DIDO1: variants seen among roughly 807,000 people sequenced by gnomAD.
DIDO1 encodes the protein death-inducer obliterator 1.
DIDO1 carries 16 observed loss-of-function variants against 99.4 expected under a neutral mutation model. The ratio of observed to expected loss-of-function variants is 0.16; its 90% confidence interval spans 0.11 to 0.24. The LOEUF (loss-of-function observed/expected upper bound fraction) is 0.24. Among genes scored for constraint, DIDO1 ranks in the 10% least tolerant of loss-of-function variants. DIDO1 has a pLI of 1.00. For synonymous variants in DIDO1, 1,366 were observed against 1,239.1 expected, an observed-to-expected ratio of 1.10 and a Z score of -2.15; for missense variants, 2,996 against 3,014.0, an observed-to-expected ratio of 0.99 and a Z score of 0.14.
Position 62,896,096 on chromosome 20 carries a change from G to A in DIDO1, c.2214+137C>T. On this transcript the variant is annotated intron_variant, in intron 8 of 15. Transcript: ENST00000395343. The surrounding 1 kb of genome is among the most constrained non-coding windows in gnomAD (Gnocchi z 4.4). ...ACGCCAGTGCAACAATACGTGGGCG[G>A]CAGAAGGATCACAGAGGAGAAAGAA... is the stretch of plus-strand genomic sequence containing the variant. The A allele has an allele frequency of 3.1e-6, 3 of 962,108 alleles. No homozygotes were observed. Among genetic ancestry groups the A allele is most frequent in the South Asian group, 3.5e-5 (2 of 57,442 alleles). The allele number at this position is 962,108 out of a possible 1,614,324, so 59.6% of individuals were successfully genotyped here.
At chr20:62,902,106 A>G (rs1179717887) in intron 6 of DIDO1, among the ~76,000 whole-genome samples, 2 of 152,220 alleles carry the variant, frequency 1.3e-5, no homozygotes, top group African/African-American at 4.8e-5. Flanking sequence ...TGGCTGAAGC[A>G]TAAGCACAAA....
rs376302899 is a variant in DIDO1, at chr20:62,894,213, G to C, written c.2573-19C>G. The C allele has an allele frequency of 6.2e-7, 1 of 1,604,606 alleles. No homozygotes were observed. Among genetic ancestry groups the C allele is most frequent in the African/African-American group, 1.3e-5 (1 of 74,594 alleles). ...ACCTGGCCTGAAGAAGGCGAGGAAA[G>C]GCTCTGTGAGAAACCCAGCCGGCAC... On this transcript the variant is annotated intron_variant, in intron 11 of 15. Transcript: ENST00000395343. This position sits in a 1 kb window ranked among gnomAD's most constrained non-coding sequence, Gnocchi z 4.4.
chr20:62,897,904 G>A (rs564103424), intron 6 of DIDO1, among the ~76,000 whole-genome samples: 13 of 152,280 alleles, frequency 8.5e-5, no homozygotes, highest in African/African-American at 2.6e-4. Context: ...AGAGTGAAAC[G>A]CCTGGGGAAT....
chr20:62,912,632 C>T (rs1337376311), intron 2 of DIDO1, among the ~76,000 whole-genome samples: 1 of 152,080 alleles, frequency 6.6e-6, no homozygotes, highest in Non-Finnish European at 1.5e-5. Context: ...AATTCTTTTC[C>T]AAGCTGTCCA....
At chr20:62,936,523 C>A (rs946161345) in intron 1 of DIDO1, among the ~76,000 whole-genome samples, 5 of 150,086 alleles carry the variant, frequency 3.3e-5, no homozygotes, top group Non-Finnish European at 7.4e-5. Flanking sequence ...ACAGTGCACT[C>A]CAGCCTGGGC....
At chr20:62,887,667 G>T (rs771077414) in intron 15 of DIDO1, 77 of 985,250 alleles carry the variant, frequency 7.8e-5, no homozygotes, top group Non-Finnish European at 9.0e-5. Context: ...CATCTTGGCT[G>T]CGGTCCAGTC....
At chr20:62,931,485 C>CA (rs201088276), upstream of DIDO1, among the ~76,000 whole-genome samples, 504 of 152,028 alleles carry the variant, frequency 3.3e-3, no homozygotes, top group East Asian at 5.0e-3. Context: ...GCAAACAAGC[C>CA]AAAAAAACGC....
intron 6 of DIDO1, among the ~76,000 whole-genome samples, chr20:62,902,536 A>G (rs1034343560): frequency 2.6e-4 from 39 of 152,178 alleles, no homozygotes; most frequent in African/African-American, 9.2e-4. Context: ...AATTCCTGCA[A>G]AACACTCTTA....
intron 6 of DIDO1, among the ~76,000 whole-genome samples, chr20:62,901,840 T>C (rs2064690716): frequency 6.7e-6 from 1 of 149,626 alleles, no homozygotes; most frequent in South Asian, 2.1e-4. Context: ...AAAAACCTAG[T>C]ATTATTTTAC....
rs761047955 is a variant in DIDO1 at position 62,882,039 on chromosome 20, G to C, written c.3917C>G (p.Ser1306Cys). 39 of 1,613,492 alleles carry C rather than the reference G, an allele frequency of 2.4e-5. No homozygotes were observed. The highest frequency in any genetic ancestry group is 2.0e-4 in the South Asian group (18 of 91,086). Residue 1306 changes from serine to cysteine, a missense_variant, in exon 16 of 16, where the codon TCT becomes TGT. This residue lies in a region of DIDO1 where 1,562 missense variants were observed against 1,412.6 expected (regional missense o/e 1.11). Coordinates refer to ENST00000395343, the MANE Select transcript of DIDO1 (RefSeq NM_001193369.2). Reference protein sequence around the residue: ...ASTAASSTASSASKTASPLEH... With the variant: ...ASTAASSTASCASKTASPLEH... ...CAGCGGTGATGCTGTTTTGGAAGCA[G>C]ACGAAGCGGTGGAGGAAGCTGCCGT...
In DIDO1 at chr20:62,882,812, G is replaced by A. The variant is rs368503136; in HGVS notation, c.3542-398C>T. ...GTGGAGGGGAGGGAGGCCGTGGTGT[G>A]AGCCTGCAGGGTGAAAAGGGCATTG... On this transcript the variant is annotated intron_variant, in intron 15 of 15. Transcript: ENST00000395343. 1.3e-3 allele frequency among the ~76,000 whole-genome samples: 195 copies of A among 152,196 alleles called. 5 individuals carry two copies. Among genetic ancestry groups the A allele is most frequent in the African/African-American group, 4.1e-3 (171 of 41,550 alleles).
At chr20:62,910,468 G>A (rs1025363144) in intron 3 of DIDO1, among the ~76,000 whole-genome samples, 1 of 152,088 alleles carries the variant, frequency 6.6e-6, no homozygotes, top group Non-Finnish European at 1.5e-5. Flanking sequence ...CCGGAGTGAC[G>A]GACACATTCT....
chr20:62,896,676 C>A lies in DIDO1; in HGVS notation c.1909G>T (p.Ala637Ser), dbSNP rs2064533191. The A allele has an allele frequency of 6.2e-7, 1 of 1,613,932 alleles. No individual in the cohort carries two copies. Among genetic ancestry groups the A allele is most frequent in the Admixed American group, 1.7e-5 (1 of 60,006 alleles). ...GAAGGTACCACTGGCTTCCTTACGG[C>A]TCCCACCAAAGCAGCGGAGCCAGGG... is the stretch of plus-strand genomic sequence containing the variant. ...KFPGSAALVGAVRKPVVPSVP... is the reference protein window; with the variant it reads ...KFPGSAALVGSVRKPVVPSVP... The change falls in exon 7 of 16, where the codon GCC (alanine) becomes TCC (serine). Residue 637 changes from alanine (A) to serine (S), a missense_variant. This residue lies in a region of DIDO1 where 898 missense variants were observed against 972.7 expected (regional missense o/e 0.92). Transcript: ENST00000395343. This position sits in a 1 kb window ranked among gnomAD's most constrained non-coding sequence, Gnocchi z 4.4.
rs1293282676 is a variant in DIDO1, at chr20:62,909,772, T to C, written c.1088A>G (p.Asp363Gly). 1 of 1,614,260 alleles carries C rather than the reference T, an allele frequency of 6.2e-7. No individual in the cohort carries two copies. Among genetic ancestry groups the C allele is most frequent in the South Asian group, 1.1e-5 (1 of 91,086 alleles). Residue 363 changes from aspartate (D) to glycine (G), a missense_variant, in exon 4 of 16, where the codon GAC becomes GGC. This residue lies in a region of DIDO1 where 898 missense variants were observed against 972.7 expected (regional missense o/e 0.92). Transcript: ENST00000395343. ...CTCAATTCTACCCTTTATCCCTTGG[T>C]CTTCGCTAGACTTCTGCTCTATTGT... ...IGTIEQKSSE[D>G]QGIKGRIEKA...
intron 1 of DIDO1, among the ~76,000 whole-genome samples, chr20:62,925,007 T>C (rs2065226152): frequency 6.6e-6 from 1 of 152,216 alleles, no homozygotes; most frequent in Admixed American, 6.5e-5. Context: ...AAGTGTGCAT[T>C]AAGCAGGGAG....
intron 13 of DIDO1, 32 bp downstream of exon 13, chr20:62,892,777 C>T (rs758035464): frequency 1.6e-5 from 25 of 1,584,714 alleles, no homozygotes; most frequent in South Asian, 2.2e-5. Flanking sequence ...ATGAAAGACA[C>T]ACACACGCAC....
chr20:62,880,741 G>A lies in DIDO1; in HGVS notation c.5215C>T (p.Pro1739Ser). 1 of 1,612,730 alleles carries A rather than the reference G, an allele frequency of 6.2e-7. No individual in the cohort carries two copies. Among genetic ancestry groups the A allele is most frequent in the South Asian group, 1.1e-5 (1 of 91,088 alleles). Residue 1739 changes from proline (P) to serine (S), a missense_variant, in exon 16 of 16, where the codon CCA becomes TCA. Coordinates refer to ENST00000395343, the MANE Select transcript of DIDO1 (RefSeq NM_001193369.2). ...TGAGAGCCCCCCACTTTCTGTCCTGGTGGGGGGAGCGGGGCGGTGCCCTCG... is the reference window on the plus strand; with the variant it reads ...TGAGAGCCCCCCACTTTCTGTCCTGATGGGGGGAGCGGGGCGGTGCCCTCG... ...PGEGTAPLPP[P>S]GQKVGGSQPP... is the part of the protein sequence containing the mutation.
rs750473285 is a variant in DIDO1 at position 62,880,753 on chromosome 20, G to C, written c.5203C>G (p.Pro1735Ala). Residue 1735 changes from proline (P) to alanine (A), a missense_variant, in exon 16 of 16, where the codon CCG becomes GCG. Pro to Ala is a conservative substitution (Grantham distance 27). This residue lies in a region of DIDO1 where 1,562 missense variants were observed against 1,412.6 expected (regional missense o/e 1.11). Coordinates refer to ENST00000395343, the MANE Select transcript of DIDO1 (RefSeq NM_001193369.2). ...ACTTTCTGTCCTGGTGGGGGGAGCG[G>C]GGCGGTGCCCTCGCCGGGTCTGGCC... ...PQARPGEGTA[P>A]LPPPGQKVGG... is the part of the protein sequence containing the mutation. The C allele has an allele frequency of 1.2e-6, 2 of 1,612,742 alleles. No homozygotes were observed. The highest frequency in any genetic ancestry group is 1.7e-6 in the Non-Finnish European group (2 of 1,179,906).
intron 8 of DIDO1, among the ~76,000 whole-genome samples, chr20:62,895,981 TGTG>T (rs1409264159): frequency 6.6e-6 from 1 of 152,102 alleles, no homozygotes; most frequent in Non-Finnish European, 1.5e-5. Flanking sequence ...AGGAGACTAA[TGTG>T]GTGATAAAAG....
Sources: gnomAD v4.1 joint callset for allele counts (sites outside exome capture counted in the v4.1 genomes callset) on GRCh38, gnomAD v4.1.1 for gene constraint, gnomAD v4.1.1 regional missense constraint, Gnocchi (gnomAD v3.1) non-coding constraint, MANE v1.5 for transcripts, NCBI Gene and HGNC (gene_info 2026-07-23, HGNC 2026-07-21) for gene names.